Variants in PTPN3 observed in about 807,000 individuals in gnomAD.
PTPN3 encodes the protein protein tyrosine phosphatase non-receptor type 3, also known as tyrosine-protein phosphatase non-receptor type 3.
Under a neutral mutation model 132.7 loss-of-function variants are expected in PTPN3, and 96 were observed. The observed-to-expected ratio is 0.72, with a 90% CI of 0.61 to 0.86. PTPN3 has a LOEUF of 0.86. Ranked by LOEUF, PTPN3 falls within the 40% of genes least tolerant of loss-of-function variation. PTPN3 has a pLI of 0.00. For synonymous variants in PTPN3, 398 were observed against 429.0 expected (o/e 0.93, Z 0.89); for missense variants, 1,125 against 1,159.6 (o/e 0.97, Z 0.43).
intron 1 of PTPN3, among the ~76,000 whole-genome samples, chr9:109,489,751 C>G (rs1397307471): frequency 6.6e-6 from 1 of 151,942 alleles, no homozygotes; most frequent in African/African-American, 2.4e-5. Context: ...CCCTGCCAAA[C>G]CATCATCTGG....
At chr9:109,411,263 C>A (rs1842058341) in intron 14 of PTPN3, among the ~76,000 whole-genome samples, 1 of 152,198 alleles carries the variant, frequency 6.6e-6, no homozygotes, top group African/African-American at 2.4e-5. Context: ...GATGAAGAAG[C>A]TGAGGTCAGG....
chr9:109,476,014 C>T (rs752267260), intron 1 of PTPN3, among the ~76,000 whole-genome samples: 12 of 152,300 alleles, frequency 7.9e-5, no homozygotes, highest in Non-Finnish European at 1.5e-4. Context: ...CCAGGTGACT[C>T]GCGAAGTCAC....
At position 109,406,563 on chromosome 9, in the gene PTPN3, C is replaced by A; in HGVS notation, c.1691G>T (p.Gly564Val). The change falls in exon 18 of 26, where the codon GGC becomes GTC. Residue 564 changes from glycine (G) to valine (V), a missense_variant. Gly to Val is a moderately radical substitution (Grantham distance 109). Coordinates refer to ENST00000374541, the MANE Select transcript of PTPN3 (RefSeq NM_002829.4). Reference protein sequence around the residue: ...NEGDQIVLINGRDISEHTHDQ... With the variant: ...NEGDQIVLINVRDISEHTHDQ... Reference sequence around the variant, plus strand: ...ATGCGTGTGTTCTGAGATGTCCCGGCCATTGATTAACACGATTTGATCCCC... The same window carrying A: ...ATGCGTGTGTTCTGAGATGTCCCGGACATTGATTAACACGATTTGATCCCC... 2 of 1,614,154 alleles carry A rather than the reference C, an allele frequency of 1.2e-6. No individual in the cohort carries two copies. Among genetic ancestry groups the A allele is most frequent in the Non-Finnish European group, 1.7e-6 (2 of 1,180,034 alleles).
chr9:109,455,585 G>A (rs1845519455), intron 4 of PTPN3, among the ~76,000 whole-genome samples: 1 of 152,216 alleles, frequency 6.6e-6, no homozygotes, highest in Admixed American at 6.5e-5. Flanking sequence ...CACATGTCTA[G>A]GTACCAGCGG....
intron 13 of PTPN3, 142 bp from the exon 14 acceptor site, chr9:109,420,742 A>G: frequency 1.2e-6 from 1 of 847,366 alleles, no homozygotes; most frequent in Non-Finnish European, 1.8e-6. Flanking sequence ...CGGTTAACTC[A>G]TTACTACCCC....
At chr9:109,388,044 G>C (rs1020321780) in intron 22 of PTPN3, among the ~76,000 whole-genome samples, 1 of 152,172 alleles carries the variant, frequency 6.6e-6, no homozygotes, top group Admixed American at 6.5e-5. Flanking sequence ...TGGGGAGCGG[G>C]GGTGGACTCC....
the PTPN3 span, among the ~76,000 whole-genome samples, chr9:109,505,292 G>A: frequency 6.6e-6 from 1 of 152,126 alleles, no homozygotes; most frequent in Admixed American, 6.5e-5. Context: ...AATTATTTTG[G>A]TATAGAGTCT....
At chr9:109,500,114 G>A (rs1847843787), upstream of PTPN3, among the ~76,000 whole-genome samples, 2 of 152,218 alleles carry the variant, frequency 1.3e-5, no homozygotes, top group African/African-American at 2.4e-5. Flanking sequence ...GAATACCTAC[G>A]CTTCGATCTG....
intron 9 of PTPN3, among the ~76,000 whole-genome samples, chr9:109,435,764 C>G (rs991507656): frequency 1.3e-5 from 2 of 152,124 alleles, no homozygotes; most frequent in Non-Finnish European, 2.9e-5. Context: ...AATTAAAGTT[C>G]TCTGAAACAT....
the PTPN3 span, among the ~76,000 whole-genome samples, chr9:109,506,503 C>G: frequency 1.3e-5 from 2 of 149,626 alleles, no homozygotes; most frequent in Admixed American, 1.3e-4. Flanking sequence ...TACCTTCTTT[C>G]CTTCCTTCCT....
chr9:109,494,210 G>A (rs1564490211), intron 1 of PTPN3, among the ~76,000 whole-genome samples: 1 of 152,192 alleles, frequency 6.6e-6, no homozygotes, highest in African/African-American at 2.4e-5. Flanking sequence ...GGTGGCTCAC[G>A]CCTATATCTC....
chr9:109,501,559 T>C (rs1847864753), upstream of PTPN3, among the ~76,000 whole-genome samples: 1 of 152,218 alleles, frequency 6.6e-6, no homozygotes, highest in Non-Finnish European at 1.5e-5. Flanking sequence ...TTTTAAGCTG[T>C]TGCATCTGGA....
chr9:109,452,458 C>T (rs1174955216), intron 5 of PTPN3, among the ~76,000 whole-genome samples: 2 of 151,902 alleles, frequency 1.3e-5, no homozygotes, highest in African/African-American at 2.4e-5. Context: ...CACACGTACA[C>T]ATGTACATAC....
At chr9:109,473,550 C>T (rs1210673013) in intron 1 of PTPN3, among the ~76,000 whole-genome samples, 1 of 152,130 alleles carries the variant, frequency 6.6e-6, no homozygotes, top group East Asian at 1.9e-4. Flanking sequence ...CTGCGGGAGC[C>T]GCGGGCAGTT....
At chr9:109,431,360 G>C (rs1036253566) in intron 10 of PTPN3, among the ~76,000 whole-genome samples, 6 of 152,228 alleles carry the variant, frequency 3.9e-5, no homozygotes, top group African/African-American at 1.4e-4. Context: ...AGTTAGGCTG[G>C]ACCCAAGGGG....
intron 1 of PTPN3, among the ~76,000 whole-genome samples, chr9:109,476,726 C>A (rs1259814959): frequency 6.6e-6 from 1 of 152,196 alleles, no homozygotes; most frequent in East Asian, 1.9e-4. Context: ...AATGTTTTGT[C>A]TTAGTTTCCT....
At chr9:109,444,847 G>A (rs1313657319) in intron 7 of PTPN3, among the ~76,000 whole-genome samples, 2 of 152,164 alleles carry the variant, frequency 1.3e-5, no homozygotes, top group African/African-American at 4.8e-5. Flanking sequence ...TCTTAACCTA[G>A]CTGGGTCTAG....
chr9:109,457,293 G>C lies in PTPN3; in HGVS notation c.245C>G (p.Pro82Arg). 6.2e-7 allele frequency: 1 copy of C among 1,613,750 alleles called. No individual in the cohort carries two copies. The highest frequency in any genetic ancestry group is 8.5e-7 in the Non-Finnish European group (1 of 1,179,662). The change falls in exon 3 of 26, where the codon CCT (proline) becomes CGT (arginine). Residue 82 changes from proline (P) to arginine (R), a missense_variant and splice_region_variant. Physicochemically the swap from Pro to Arg is moderately radical, Grantham distance 103. Transcript: ENST00000374541. Reference protein sequence around the residue: ...LQHDDDSVDSPRWLEASKAIR... With the variant: ...LQHDDDSVDSRRWLEASKAIR... ...ACATTTTTTAAAAATGGCACTTACA[G>C]GAGAGTCCACGGAGTCGTCATCATG... is the stretch of plus-strand genomic sequence containing the variant.
At chr9:109,536,114 AT>A in the PTPN3 span, among the ~76,000 whole-genome samples, 2 of 152,234 alleles carry the variant, frequency 1.3e-5, no homozygotes, top group Non-Finnish European at 2.9e-5. Context: ...TGGAATAATA[AT>A]AATATTTGAC....
Sources: gnomAD v4.1 joint callset for allele counts (sites outside exome capture counted in the v4.1 genomes callset) on GRCh38, gnomAD v4.1.1 for gene constraint, MANE v1.5 for transcripts, NCBI Gene and HGNC (gene_info 2026-07-23, HGNC 2026-07-21) for gene names.